BRCC3: variants seen among roughly 807,000 people sequenced by gnomAD.
The protein encoded by BRCC3 is lys-63-specific deubiquitinase BRCC36.
Under a neutral mutation model 28.0 loss-of-function variants are expected in BRCC3, and 15 were observed. That is an observed-to-expected ratio of 0.54 (90% CI 0.36 to 0.82). The LOEUF (loss-of-function observed/expected upper bound fraction) is 0.82, where lower values mean the gene tolerates loss of function less well. BRCC3 is among the 40% of genes least tolerant of loss of function. The pLI, the probability that BRCC3 is intolerant of heterozygous loss-of-function variation, is 0.01. For synonymous variants in BRCC3, 66 were observed against 80.3 expected (o/e 0.82, Z 0.95); for missense variants, 109 against 225.9 (o/e 0.48, Z 3.32).
chrX:155,117,943 TCCTACC>T (rs1438779173), intron 9 of BRCC3, among the ~76,000 whole-genome samples: 21 of 111,734 alleles, frequency 1.9e-4, no homozygotes, highest in Admixed American at 4.8e-4. Context: ...GAAAATAGAT[TCCTACC>T]TAATACCCTA....
Position 155,082,591 on chromosome X carries a change from G to A in BRCC3, c.403+3888G>A. ...CCCTCCCTCTCCAACATACACACAT[G>A]CACATGTGCACACATGCTATTTGAG... On this transcript the variant is annotated intron_variant, in intron 5 of 10. Coordinates refer to ENST00000330045, the MANE Select transcript of BRCC3 (RefSeq NM_001018055.3). Among the ~76,000 whole-genome samples the A allele has an allele frequency of 2.7e-5, 3 of 112,497 alleles. No homozygotes were observed. In the Middle Eastern group the frequency reaches 0.014, roughly 514 times the overall value.
At chrX:155,115,942 G>A in intron 7 of BRCC3, 115 bp from the exon 8 acceptor site, 1 of 732,716 alleles carries the variant, frequency 1.4e-6, no homozygotes, top group Non-Finnish European at 2.0e-6. Flanking sequence ...ATGAATTACA[G>A]CAATGCTTAA....
At chrX:155,104,273 G>C (rs1346707139) in intron 7 of BRCC3, among the ~76,000 whole-genome samples, 1 of 110,813 alleles carries the variant, frequency 9.0e-6, no homozygotes, top group Non-Finnish European at 1.9e-5. Context: ...TACCTTATTG[G>C]GTACTAGATA....
intron 3 of BRCC3, among the ~76,000 whole-genome samples, chrX:155,074,092 C>G (rs1557293032): frequency 1.8e-5 from 2 of 112,350 alleles, no homozygotes; most frequent in Admixed American, 1.9e-4. Context: ...CACTTTGCAT[C>G]TCTTCCCATA....
chrX:155,116,782 A>AT (rs1210532422), intron 9 of BRCC3, 28 bp downstream of exon 9: 6 of 1,082,877 alleles, frequency 5.5e-6, no homozygotes, highest in East Asian at 6.3e-5. Flanking sequence ...AGTACTCAGC[A>AT]TTTTTTCTGA....
intron 7 of BRCC3, among the ~76,000 whole-genome samples, chrX:155,099,591 A>T (rs782003038): frequency 4.5e-5 from 5 of 112,143 alleles, no homozygotes; most frequent in Admixed American, 3.8e-4. Context: ...ACATTCTGTT[A>T]TCAAGGAGGA....
chrX:155,115,984 A>G lies in BRCC3; in HGVS notation c.549-73A>G, dbSNP rs1403652999. The stretch of plus-strand genomic sequence containing the variant: ...AAGTATGCCATATCCCAAACTTCCA[A>G]TTAAAACTGTAGAGAACTTCTGATT... On this transcript the variant is annotated intron_variant, in intron 7 of 10. Coordinates refer to ENST00000330045, the MANE Select transcript of BRCC3 (RefSeq NM_001018055.3). 5 of 1,057,496 alleles carry G rather than the reference A, an allele frequency of 4.7e-6. No homozygotes were observed. In the South Asian group the frequency reaches 1.1e-4, roughly 23 times the overall value. The allele number at this position is 1,057,496 out of a possible 1,213,427, so 87.1% of individuals were successfully genotyped here. A position where few individuals can be genotyped will look rare whatever the true frequency, so the allele number is the denominator to read the frequency against.
At chrX:155,119,761 G>A (rs190018216) in intron 9 of BRCC3, among the ~76,000 whole-genome samples, 1 of 111,747 alleles carries the variant, frequency 8.9e-6, no homozygotes, top group Admixed American at 9.5e-5. Flanking sequence ...GCTTCCCTCT[G>A]GCTTATGGAT....
chrX:155,112,997 A>G (rs1251611243), intron 7 of BRCC3, among the ~76,000 whole-genome samples: 1 of 111,281 alleles, frequency 9.0e-6, no homozygotes, highest in African/African-American at 3.3e-5. Context: ...TACAGACACA[A>G]ATAAATGGAA....
chrX:155,104,160 C>T (rs1448637067), intron 7 of BRCC3, among the ~76,000 whole-genome samples: 4 of 111,180 alleles, frequency 3.6e-5, no homozygotes, highest in Non-Finnish European at 7.6e-5. Flanking sequence ...AAATCAGCAT[C>T]ATTCTGGGCC....
chrX:155,072,975 C>T (rs1199596868), intron 2 of BRCC3, among the ~76,000 whole-genome samples: 9 of 112,086 alleles, frequency 8.0e-5, no homozygotes, highest in Admixed American at 1.9e-4. Context: ...CATTCCTTCA[C>T]GTAAATTGAC....
At chrX:155,078,437 C>G (rs1430588769) in intron 4 of BRCC3, among the ~76,000 whole-genome samples, 179 bp from the exon 5 acceptor site, 2 of 111,880 alleles carry the variant, frequency 1.8e-5, no homozygotes, top group African/African-American at 6.5e-5. Context: ...CATGTGGATT[C>G]TAGTTTAGAA....
In BRCC3 at chrX:155,071,602, C is replaced by T; in HGVS notation, c.75C>T (p.His25=). ...ESDAFLVCLN[H]ALSTEKEEVM... is the part of the protein sequence containing the mutation. Reference sequence around the variant, plus strand: ...ACGCTTTCCTCGTTTGTCTCAACCACGCTCTGAGCACAGAGAAGGAGGAAG... The same window carrying T: ...ACGCTTTCCTCGTTTGTCTCAACCATGCTCTGAGCACAGAGAAGGAGGAAG... The change falls in exon 1 of 11, where the codon CAC becomes CAT. Residue 25 remains histidine (H), a synonymous_variant. Coordinates refer to ENST00000330045, the MANE Select transcript of BRCC3 (RefSeq NM_001018055.3). The T allele has an allele frequency of 8.3e-7, 1 of 1,210,456 alleles. No homozygotes were observed. The highest frequency in any genetic ancestry group is 1.1e-6 in the Non-Finnish European group (1 of 894,633).
At chrX:155,099,331 C>T (rs371304771) in intron 7 of BRCC3, 32 of 1,206,477 alleles carry the variant, frequency 2.7e-5, no homozygotes, top group African/African-American at 2.0e-4. Context: ...TCATGGTCCA[C>T]GAGACTTCTG....
intron 7 of BRCC3, among the ~76,000 whole-genome samples, chrX:155,092,476 GTTA>G (rs1442258873): frequency 3.6e-5 from 4 of 111,397 alleles, no homozygotes; most frequent in Non-Finnish European, 5.7e-5. Flanking sequence ...TGTTTATATT[GTTA>G]TTATTATGTA....
At chrX:155,105,767 T>G (rs1336708818) in intron 7 of BRCC3, among the ~76,000 whole-genome samples, 2 of 112,210 alleles carry the variant, frequency 1.8e-5, no homozygotes, top group Non-Finnish European at 3.8e-5. Flanking sequence ...GGTGCGATCT[T>G]GGCTCACAGC....
At chrX:155,115,324 T>C (rs782555550) in intron 7 of BRCC3, among the ~76,000 whole-genome samples, 2 of 111,781 alleles carry the variant, frequency 1.8e-5, no homozygotes, top group African/African-American at 3.3e-5. Flanking sequence ...CTAGACATGT[T>C]CTGCTGGGAT....
Position 155,073,504 on chromosome X carries a change from C to T in BRCC3, c.195+73C>T, listed in dbSNP as rs2074004909. 2.8e-6 allele frequency: 3 copies of T among 1,065,077 alleles called. No homozygotes were observed. The African/African-American group carries it at 5.6e-5, about 20-fold the overall frequency. The allele number at this position is 1,065,077 out of a possible 1,213,427, so 87.8% of individuals were successfully genotyped here. ...GATTTCTGTAATCCAGTGATCTCAG[C>T]CAGAGTATGCGGTTTCTGGCTGGAT... On this transcript the variant is annotated intron_variant, in intron 3 of 10. Transcript: ENST00000330045.
Position 155,105,865 on chromosome X carries a change from AT to A in BRCC3, c.549-10187del, listed in dbSNP as rs1200064776. Reference sequence around the variant, plus strand: ...AGGCACGTGCCATCACACCTGGCTAATTTTTGTATTTTTAGTGGAGACAGGG... The same window carrying A: ...AGGCACGTGCCATCACACCTGGCTAATTTTGTATTTTTAGTGGAGACAGGG... On this transcript the variant is annotated intron_variant, in intron 7 of 10. Transcript: ENST00000330045. 2.3e-4 allele frequency among the ~76,000 whole-genome samples: 25 copies of A among 111,096 alleles called. 1 individual carries two copies. Among genetic ancestry groups the A allele is most frequent in the Admixed American group, 2.2e-3 (23 of 10,546 alleles).
Sources: allele counts gnomAD v4.1 joint callset (sites outside exome capture counted in the v4.1 genomes callset), GRCh38; gene constraint gnomAD v4.1.1; transcripts MANE v1.5; gene names NCBI Gene and HGNC (gene_info 2026-07-23, HGNC 2026-07-21).